ABCB4: variants seen among roughly 807,000 people sequenced by gnomAD.
The protein encoded by ABCB4 is ATP binding cassette subfamily B member 4.
A neutral mutation model predicts 145.7 loss-of-function variants in ABCB4; 76 were observed. The observed-to-expected ratio is 0.52, with a 90% confidence interval of 0.43 to 0.63. The LOEUF is 0.63. Ranked by LOEUF, ABCB4 falls within the 30% of genes least tolerant of loss-of-function variation. The probability of loss-of-function intolerance (pLI) is 0.00; values close to 1 mark genes in which losing one functional copy is unlikely to be tolerated. For missense variants in ABCB4, 1,234 were observed against 1,553.1 expected, an observed-to-expected ratio of 0.79 and a Z score of 3.45; for synonymous variants, 517 against 566.8, an observed-to-expected ratio of 0.91 and a Z score of 1.25.
the ABCB4 span, among the ~76,000 whole-genome samples, chr7:87,370,669 C>A: frequency 2.0e-4 from 31 of 152,268 alleles, no homozygotes; most frequent in Non-Finnish European, 3.8e-4. Flanking sequence ...AAAATTAGAA[C>A]ATTTCTAATA....
intron 3 of ABCB4, among the ~76,000 whole-genome samples, chr7:87,464,764 ATTTAAG>A: frequency 6.6e-6 from 1 of 152,350 alleles, no homozygotes. Context: ...TAAATATTAA[ATTTAAG>A]TTTAACTTAA....
the ABCB4 span, among the ~76,000 whole-genome samples, chr7:87,371,974 A>G: frequency 2.0e-5 from 3 of 147,518 alleles, no homozygotes; most frequent in Non-Finnish European, 4.5e-5. Flanking sequence ...AGCCTGGGTG[A>G]CAGAGCAAGA....
intron 4 of ABCB4, among the ~76,000 whole-genome samples, chr7:87,462,551 T>C (rs1159004974): frequency 6.6e-6 from 1 of 152,164 alleles, no homozygotes; most frequent in Non-Finnish European, 1.5e-5. Flanking sequence ...GTATTAAAAG[T>C]CAAACAACAA....
chr7:87,380,689 G>A, the ABCB4 span, among the ~76,000 whole-genome samples: 1 of 152,180 alleles, frequency 6.6e-6, no homozygotes, highest in Non-Finnish European at 1.5e-5. Flanking sequence ...GAGATTATTA[G>A]CTTTCCATTA....
the ABCB4 span, among the ~76,000 whole-genome samples, chr7:87,374,856 C>G: frequency 6.6e-6 from 1 of 151,832 alleles, no homozygotes; most frequent in Non-Finnish European, 1.5e-5. Context: ...TATTAAGCTA[C>G]ATTAGCTCAC....
rs886062459 is a variant in ABCB4 at position 87,406,402 on chromosome 7, G to A, written c.3372C>T (p.Cys1124=). 3.8e-5 allele frequency: 61 copies of A among 1,613,912 alleles called. No individual in the cohort carries two copies. Among genetic ancestry groups the A allele is most frequent in the Non-Finnish European group, 5.2e-5 (61 of 1,180,016 alleles). Residue 1124 remains cysteine (C), a synonymous_variant, in exon 26 of 28, where the codon TGC becomes TGT. Coordinates refer to ENST00000649586, the MANE Select transcript of ABCB4 (RefSeq NM_000443.4). ...CATAGGCAATATTCTCGGCAATGCT[G>A]CAGTCAAATAGGATAGGCTCCTGAG... is the stretch of plus-strand genomic sequence containing the variant. ...IVSQEPILFD[C]SIAENIAYGD...
At chr7:87,472,748 TTAGTTA>T in intron 2 of ABCB4, 73 bp from the exon 3 acceptor site, 3 of 1,038,008 alleles carry the variant, frequency 2.9e-6, no homozygotes, top group Non-Finnish European at 4.4e-6. Flanking sequence ...ATAAATATGT[TTAGTTA>T]CAATATTCAA....
downstream of ABCB4, chr7:87,398,536 C>T: frequency 6.2e-7 from 1 of 1,613,666 alleles, no homozygotes; most frequent in Non-Finnish European, 8.5e-7. Flanking sequence ...TTGTTGTGGC[C>T]TGTTCAGCCT....
Position 87,450,066 on chromosome 7 carries a change from T to C in ABCB4, c.735A>G (p.Glu245=), listed in dbSNP as rs1811607951. 6.2e-7 allele frequency: 1 copy of C among 1,614,176 alleles called. No individual in the cohort carries two copies. Residue 245 remains glutamate (E), a synonymous_variant, in exon 8 of 28, where the codon GAA becomes GAG. Coordinates refer to ENST00000649586, the MANE Select transcript of ABCB4 (RefSeq NM_000443.4). ...CGCCTGCTTTTGCATAAGCAGCTAGTTCTTTGTCACTAAATGCCGAGAGTA... is the reference window on the plus strand; with the variant it reads ...CGCCTGCTTTTGCATAAGCAGCTAGCTCTTTGTCACTAAATGCCGAGAGTA... The part of the protein sequence containing the change: ...AKILSAFSDK[E]LAAYAKAGAV...
chr7:87,418,213 T>TAGAAAG (rs1562958396), intron 20 of ABCB4, among the ~76,000 whole-genome samples: 1 of 152,166 alleles, frequency 6.6e-6, no homozygotes, highest in Non-Finnish European at 1.5e-5. Context: ...GTGGTTGAGG[T>TAGAAAG]AGAGGTGTGT....
At chr7:87,398,449 T>TA (rs1313460220), downstream of ABCB4, 35 of 1,547,612 alleles carry the variant, frequency 2.3e-5, no homozygotes, top group Middle Eastern at 5.1e-4. Context: ...CCAGATGAAA[T>TA]AAAGTCCTGG....
chr7:87,457,382 C>T (rs983291902), intron 4 of ABCB4, among the ~76,000 whole-genome samples: 8 of 152,246 alleles, frequency 5.3e-5, no homozygotes, highest in Admixed American at 6.5e-5. Context: ...TGCACTCTAG[C>T]CTGGGCAACA....
Position 87,422,166 on chromosome 7 carries a change from A to C in ABCB4, c.2271T>G (p.Ile757Met). The change falls in exon 18 of 28, where the codon ATT (isoleucine) becomes ATG (methionine). Residue 757 changes from isoleucine to methionine, a missense_variant. By Grantham distance (10) the Ile-to-Met change is conservative (BLOSUM62 1). Coordinates refer to ENST00000649586, the MANE Select transcript of ABCB4 (RefSeq NM_000443.4). ...AAGAAATAATTCCCAGAAATAAGAA[A>C]ATCAAAGAGAATATGTTGCACTTCT... ...KQQKCNIFSL[I>M]FLFLGIISFF... 6.2e-7 allele frequency: 1 copy of C among 1,613,584 alleles called. No homozygotes were observed. Among genetic ancestry groups the C allele is most frequent in the Non-Finnish European group, 8.5e-7 (1 of 1,179,664 alleles).
In ABCB4 at chr7:87,444,910, A is replaced by G; in HGVS notation, c.1071T>C (p.Phe357=). Residue 357 remains phenylalanine (F), a synonymous_variant, in exon 10 of 28, where the codon TTT becomes TTC. Coordinates refer to ENST00000649586, the MANE Select transcript of ABCB4 (RefSeq NM_000443.4). ...CATATGCTGCTCCTCTTGCATTGGC[A>G]AAAGCATCAATACATGGGGCAGCCT... ...VGQAAPCIDA[F]ANARGAAYVI... 1.2e-6 allele frequency: 2 copies of G among 1,609,202 alleles called. No homozygotes were observed. Among genetic ancestry groups the G allele is most frequent in the Non-Finnish European group, 1.7e-6 (2 of 1,179,586 alleles).
At chr7:87,390,218 A>G in the ABCB4 span, among the ~76,000 whole-genome samples, 1 of 152,212 alleles carries the variant, frequency 6.6e-6, no homozygotes, top group South Asian at 2.1e-4. Context: ...TAAATCCAAT[A>G]GTTAATGCTC....
the ABCB4 span, among the ~76,000 whole-genome samples, chr7:87,381,110 C>T: frequency 6.6e-6 from 1 of 152,166 alleles, no homozygotes; most frequent in African/African-American, 2.4e-5. Flanking sequence ...TGAAACTGGG[C>T]CCATATCTTG....
rs968598630 is a variant in ABCB4, at chr7:87,475,534, G to A, written c.-6-63C>T. On this transcript the variant is annotated intron_variant, in intron 1 of 27. Coordinates refer to ENST00000649586, the MANE Select transcript of ABCB4 (RefSeq NM_000443.4). Reference sequence around the variant, plus strand: ...TCTCCGGCGGCCCGGCGCACGAGTCGCGGGGCCCGGGGGCACTGGGTGGAG... The same window carrying A: ...TCTCCGGCGGCCCGGCGCACGAGTCACGGGGCCCGGGGGCACTGGGTGGAG... 7 of 1,546,474 alleles carry A rather than the reference G, an allele frequency of 4.5e-6. No homozygotes were observed. The African/African-American group carries it at 9.5e-5, about 21-fold the overall frequency.
chr7:87,377,892 T>C, the ABCB4 span, among the ~76,000 whole-genome samples: 565 of 152,320 alleles, frequency 3.7e-3, 3 homozygotes, highest in African/African-American at 0.013. Context: ...AGGCTGTGGA[T>C]ATTAAAATGG....
At chr7:87,438,426 A>G (rs1810752736) in intron 14 of ABCB4, among the ~76,000 whole-genome samples, 1 of 152,208 alleles carries the variant, frequency 6.6e-6, no homozygotes, top group South Asian at 2.1e-4. Flanking sequence ...TTATTGTGTT[A>G]TTAATCATTA....
Sources: allele counts gnomAD v4.1 joint callset (sites outside exome capture counted in the v4.1 genomes callset), GRCh38; gene constraint gnomAD v4.1.1; transcripts MANE v1.5; gene names NCBI Gene and HGNC (gene_info 2026-07-23, HGNC 2026-07-21).